The following GORASP2 variants were observed in gnomAD, a reference collection of about 807,000 sequenced individuals.
GORASP2 encodes the protein Golgi reassembly-stacking protein 2.
A neutral mutation model predicts 45.7 loss-of-function variants in GORASP2; 22 were observed. That is an observed-to-expected ratio of 0.48 (90% CI 0.34 to 0.69). GORASP2 has a LOEUF of 0.69. Among genes scored for constraint, GORASP2 ranks in the 30% least tolerant of loss-of-function variants. GORASP2 has a pLI of 0.01. For missense variants in GORASP2, 491 were observed against 562.7 expected (o/e 0.87, Z 1.29); for synonymous variants, 221 against 215.6 (o/e 1.02, Z -0.22).
chr2:170,929,418 G>A lies in GORASP2; in HGVS notation c.63+15G>A, dbSNP rs765899068. On this transcript the variant is annotated intron_variant, in intron 1 of 9. Coordinates refer to ENST00000234160, the MANE Select transcript of GORASP2 (RefSeq NM_015530.5). The stretch of plus-strand genomic sequence containing the variant: ...ACGTTCTGCGGGTAAGGGCTCCGAC[G>A]GCGGCCGGGGAGCTGCGGGCTGGAG... 1.5e-6 allele frequency: 2 copies of A among 1,370,760 alleles called. No homozygotes were observed. The highest frequency in any genetic ancestry group is 5.9e-5 in the East Asian group (2 of 33,830). The allele number at this position is 1,370,760 out of a possible 1,614,324, so 84.9% of individuals were successfully genotyped here. A position where few individuals can be genotyped will look rare whatever the true frequency, so the allele number is the denominator to read the frequency against.
intron 9 of GORASP2, among the ~76,000 whole-genome samples, chr2:170,965,087 T>C (rs910233333): frequency 6.6e-6 from 1 of 150,740 alleles, no homozygotes; most frequent in Non-Finnish European, 1.5e-5. Flanking sequence ...ATTTTTGTAC[T>C]TTTTTTTAGT....
Position 170,951,419 on chromosome 2 carries a change from T to G in GORASP2, c.527T>G (p.Val176Gly). ...ACAGACACTGATAACTGTCGAGAAG[T>G]GATTATTACACCAAATTCTGCATGG... ...YNTDTDNCRE[V>G]IITPNSAWGG... is the part of the protein sequence containing the mutation. Residue 176 changes from valine to glycine, a missense_variant, in exon 5 of 10, where the codon GTG becomes GGG. This residue lies in a region of GORASP2 where 194 missense variants were observed against 270.4 expected (regional missense o/e 0.72). Transcript: ENST00000234160. 6.2e-7 allele frequency: 1 copy of G among 1,611,564 alleles called. No homozygotes were observed. Among genetic ancestry groups the G allele is most frequent in the Non-Finnish European group, 8.5e-7 (1 of 1,179,014 alleles).
chr2:170,952,788 G>A (rs1042405967), intron 5 of GORASP2, among the ~76,000 whole-genome samples: 2 of 152,112 alleles, frequency 1.3e-5, no homozygotes, highest in African/African-American at 2.4e-5. Context: ...CTGTCCTCCC[G>A]CCTCAGCTTC....
Position 170,955,935 on chromosome 2 carries a change from C to A in GORASP2, c.700-501C>A, listed in dbSNP as rs906908898. On this transcript the variant is annotated intron_variant, in intron 6 of 9. Transcript: ENST00000234160. Reference sequence around the variant, plus strand: ...TTTTCTTCTCCTGAAAAGTGGAGATCTGGCTGCCACATTTATTCACTGATG... The same window carrying A: ...TTTTCTTCTCCTGAAAAGTGGAGATATGGCTGCCACATTTATTCACTGATG... Among the ~76,000 whole-genome samples the A allele has an allele frequency of 2.0e-5, 3 of 152,190 alleles. No homozygotes were observed. The South Asian group carries it at 6.2e-4, about 32-fold the overall frequency.
At chr2:170,957,258 A>C (rs1023701038) in intron 7 of GORASP2, among the ~76,000 whole-genome samples, 1 of 151,792 alleles carries the variant, frequency 6.6e-6, no homozygotes, top group Non-Finnish European at 1.5e-5. Context: ...TGCTTAGGGG[A>C]CATGTGCCTG....
At chr2:170,943,193 A>T (rs1424884850) in intron 1 of GORASP2, among the ~76,000 whole-genome samples, 1 of 150,402 alleles carries the variant, frequency 6.6e-6, no homozygotes, top group Non-Finnish European at 1.5e-5. Flanking sequence ...TTTACCCTTG[A>T]CCTTTTAGAG....
chr2:170,956,636 C>A, intron 7 of GORASP2, 77 bp downstream of exon 7: 1 of 1,227,570 alleles, frequency 8.1e-7, no homozygotes, highest in South Asian at 1.4e-5. Flanking sequence ...ATTGACCAGA[C>A]ACAGTGGCTC....
At chr2:170,959,229 T>C (rs1479152716) in intron 7 of GORASP2, among the ~76,000 whole-genome samples, 1 of 152,248 alleles carries the variant, frequency 6.6e-6, no homozygotes, top group Admixed American at 6.5e-5. Flanking sequence ...CCCAAAGTGC[T>C]GGGATTACAG....
chr2:170,935,443 C>T (rs1362595463), intron 1 of GORASP2, among the ~76,000 whole-genome samples: 2 of 151,900 alleles, frequency 1.3e-5, no homozygotes, highest in Admixed American at 6.6e-5. Flanking sequence ...TTAGTAGAGA[C>T]AGGGTTTCAC....
At position 170,948,370 on chromosome 2, in the gene GORASP2, A is replaced by T. The variant is rs776710752; in HGVS notation, c.84A>T (p.Gly28=). The change falls in exon 2 of 10, where the codon GGA becomes GGT. Residue 28 remains glycine, a synonymous_variant. Transcript: ENST00000234160. ...HVLRVQENSP[G]HRAGLEPFFD... ...CGCAGGTACAAGAAAATTCCCCAGG[A>T]CACAGAGCTGGTTTGGAGCCTTTCT... is the stretch of plus-strand genomic sequence containing the variant. 8 of 1,601,054 alleles carry T rather than the reference A, an allele frequency of 5.0e-6. No individual in the cohort carries two copies. Among genetic ancestry groups the T allele is most frequent in the Non-Finnish European group, 6.8e-6 (8 of 1,169,384 alleles).
chr2:170,949,440 T>G (rs1165678482), intron 2 of GORASP2, 99 bp from the exon 3 acceptor site: 8 of 747,172 alleles, frequency 1.1e-5, no homozygotes, highest in Admixed American at 2.6e-5. Flanking sequence ...AATGTTTTAT[T>G]TATGTTGATT....
chr2:170,954,573 G>GCCC, intron 5 of GORASP2, 77 bp from the exon 6 acceptor site: 1 of 1,016,110 alleles, frequency 9.8e-7, no homozygotes, highest in Non-Finnish European at 1.5e-6. Context: ...TGGGTTACCC[G>GCCC]CCCCCCCCAA....
chr2:170,937,641 A>G (rs982949955), intron 1 of GORASP2, among the ~76,000 whole-genome samples: 5 of 152,130 alleles, frequency 3.3e-5, no homozygotes, highest in Non-Finnish European at 7.4e-5. Flanking sequence ...TTGAGAAAGA[A>G]AAAGAAAGAG....
intron 1 of GORASP2, among the ~76,000 whole-genome samples, chr2:170,943,574 C>G (rs1180837331): frequency 6.6e-6 from 1 of 152,234 alleles, no homozygotes; most frequent in African/African-American, 2.4e-5. Flanking sequence ...TTACCAAGCT[C>G]ACACAGCTAA....
intron 1 of GORASP2, among the ~76,000 whole-genome samples, chr2:170,942,773 G>C (rs556552215): frequency 6.6e-6 from 1 of 152,254 alleles, no homozygotes; most frequent in Non-Finnish European, 1.5e-5. Context: ...ACATTTTGAG[G>C]ATCTGCCAAA....
intron 5 of GORASP2, 188 bp downstream of exon 5, chr2:170,951,646 A>G (rs777938780): frequency 9.1e-6 from 4 of 440,034 alleles, no homozygotes; most frequent in South Asian, 3.8e-5. Context: ...GGAACATAGT[A>G]TATATACTAT....
chr2:170,950,969 G>C (rs891749232), intron 4 of GORASP2, among the ~76,000 whole-genome samples: 3 of 151,946 alleles, frequency 2.0e-5, no homozygotes, highest in African/African-American at 7.3e-5. Context: ...GCAACAGTTA[G>C]AGAGACCCTG....
At position 170,965,776 on chromosome 2, in the gene GORASP2, C is replaced by T. The variant is rs558634373; in HGVS notation, c.1019-14C>T. 195 of 1,581,902 alleles carry T rather than the reference C, an allele frequency of 1.2e-4. No homozygotes were observed. In the South Asian group the frequency reaches 1.7e-3, roughly 14 times the overall value. ...TGCTGGGAGGATGTATGATCTATGCCGTTTTTGTCCTAGGTCTGCCACCTC... is the reference window on the plus strand; with the variant it reads ...TGCTGGGAGGATGTATGATCTATGCTGTTTTTGTCCTAGGTCTGCCACCTC... On this transcript the variant is annotated splice_polypyrimidine_tract_variant and intron_variant, in intron 9 of 9. Transcript: ENST00000234160.
intron 9 of GORASP2, among the ~76,000 whole-genome samples, chr2:170,964,602 G>A (rs1179027382): frequency 6.6e-6 from 1 of 152,122 alleles, no homozygotes; most frequent in Non-Finnish European, 1.5e-5. Context: ...GTAGTGAGCT[G>A]AGGTCGCACC....
Sources: allele counts gnomAD v4.1 joint callset (sites outside exome capture counted in the v4.1 genomes callset), GRCh38; gene constraint gnomAD v4.1.1; regional missense constraint gnomAD v4.1.1; transcripts MANE v1.5; gene names NCBI Gene and HGNC (gene_info 2026-07-23, HGNC 2026-07-21).